FGF13: variants seen among roughly 807,000 people sequenced by gnomAD.
The protein encoded by FGF13 is fibroblast growth factor homologous factor 2.
In FGF13, 2 loss-of-function variants were observed where a neutral mutation model predicts 19.5. That is an observed-to-expected ratio of 0.10 (90% CI 0.04 to 0.32). FGF13 has a LOEUF of 0.32. FGF13 is among the 10% of genes least tolerant of loss of function. FGF13 has a pLI of 1.00. For missense variants in FGF13, 113 were observed against 192.7 expected (o/e 0.59, Z 2.45); for synonymous variants, 72 against 76.9 (o/e 0.94, Z 0.33).
At chrX:138,673,264 G>A (rs2089632395) in intron 3 of FGF13, among the ~76,000 whole-genome samples, 1 of 111,342 alleles carries the variant, frequency 9.0e-6, no homozygotes, top group Admixed American at 9.6e-5. Flanking sequence ...TTGTGTTTAG[G>A]GGATACCAGC....
In FGF13 at chrX:139,196,464, T is replaced by C. The variant is rs1294332289; in HGVS notation, c.-113+6952A>G. 3.6e-5 allele frequency among the ~76,000 whole-genome samples: 4 copies of C among 111,691 alleles called. No individual in the cohort carries two copies. In the East Asian group the frequency reaches 1.1e-3, roughly 32 times the overall value. ...GGAAAGGGTACCCCGGCACAGCACCTGATAGAGAAAAGTCACTCAAAAAAT... is the reference window on the plus strand; with the variant it reads ...GGAAAGGGTACCCCGGCACAGCACCCGATAGAGAAAAGTCACTCAAAAAAT... On this transcript the variant is annotated intron_variant, in intron 1 of 2. Transcript: ENST00000421460.
chrX:139,170,876 C>T (rs1268584038), intron 1 of FGF13, among the ~76,000 whole-genome samples: 1 of 111,732 alleles, frequency 8.9e-6, no homozygotes, highest in Non-Finnish European at 1.9e-5. Context: ...ACCTGACCTC[C>T]CGTCATTTCC....
intron 1 of FGF13, among the ~76,000 whole-genome samples, chrX:138,878,107 A>C (rs1197951220): frequency 9.0e-6 from 1 of 111,294 alleles, no homozygotes; most frequent in Non-Finnish European, 1.9e-5. Flanking sequence ...CCTTTAAAAA[A>C]GTATACACCC....
chrX:138,818,418 T>A (rs2090975752), intron 3 of FGF13, among the ~76,000 whole-genome samples: 1 of 108,510 alleles, frequency 9.2e-6, no homozygotes, highest in Non-Finnish European at 1.9e-5. Context: ...TCTCCTTCAA[T>A]TGGTCCTGGC....
intron 3 of FGF13, among the ~76,000 whole-genome samples, chrX:138,674,990 C>T (rs1218535505): frequency 2.7e-5 from 3 of 111,585 alleles, no homozygotes; most frequent in Admixed American, 9.5e-5. Flanking sequence ...AGAGTTTTAT[C>T]TCCCCTTTAC....
intron 3 of FGF13, among the ~76,000 whole-genome samples, chrX:138,781,067 C>A (rs7881985): frequency 0.029 from 3,196 of 111,116 alleles, 128 homozygotes; most frequent in African/African-American, 0.1. Context: ...TGAATGACTA[C>A]TGGGTACATA....
At chrX:138,962,730 C>G (rs1425827760) in intron 1 of FGF13, among the ~76,000 whole-genome samples, 1 of 111,672 alleles carries the variant, frequency 9.0e-6, no homozygotes, top group Admixed American at 9.5e-5. Context: ...TCATTCTGAG[C>G]AAACTATCTC....
chrX:138,862,620 G>T (rs2091294795), intron 2 of FGF13, among the ~76,000 whole-genome samples: 1 of 111,794 alleles, frequency 8.9e-6, no homozygotes, highest in Admixed American at 9.5e-5. Flanking sequence ...GGATGTGTTA[G>T]CTCAAGACCT....
At chrX:138,768,260 G>A (rs1378640502) in intron 3 of FGF13, among the ~76,000 whole-genome samples, 1 of 112,244 alleles carries the variant, frequency 8.9e-6, no homozygotes, top group Non-Finnish European at 1.9e-5. Flanking sequence ...TCTATGAAAT[G>A]TGGAAAGGCT....
At chrX:138,774,428 T>C (rs1466566911) in intron 3 of FGF13, among the ~76,000 whole-genome samples, 1 of 111,622 alleles carries the variant, frequency 9.0e-6, no homozygotes, top group Non-Finnish European at 1.9e-5. Context: ...GTGATCTCAC[T>C]TGATATATGA....
chrX:139,203,983 C>A, upstream of FGF13: 1 of 1,090,716 alleles, frequency 9.2e-7, no homozygotes, highest in Non-Finnish European at 1.3e-6. Flanking sequence ...AAGGAGCCGC[C>A]GGAGGGCGGC....
At chrX:138,731,447 T>TAA (rs531760267) in intron 1 of FGF13, among the ~76,000 whole-genome samples, 1 of 91,463 alleles carries the variant, frequency 1.1e-5, no homozygotes. Context: ...AAGTCATGAG[T>TAA]AAAAAAAAAA....
chrX:139,058,443 C>T (rs2092326348), intron 1 of FGF13, among the ~76,000 whole-genome samples: 1 of 111,896 alleles, frequency 8.9e-6, no homozygotes, highest in African/African-American at 3.2e-5. Flanking sequence ...CTTCCTTCTG[C>T]CCATCCATCA....
At chrX:138,633,553 G>T (rs956376318) in intron 4 of FGF13, among the ~76,000 whole-genome samples, 1 of 112,115 alleles carries the variant, frequency 8.9e-6, no homozygotes, top group Non-Finnish European at 1.9e-5. Context: ...TTAAAACACT[G>T]ATTTCTATCA....
intron 1 of FGF13, among the ~76,000 whole-genome samples, chrX:138,980,236 C>T (rs899950328): frequency 3.6e-5 from 4 of 111,227 alleles, no homozygotes; most frequent in African/African-American, 1.3e-4. Flanking sequence ...CTCTATCAGT[C>T]TGGGCTTCTC....
At chrX:139,080,411 T>C (rs1177550291) in intron 1 of FGF13, among the ~76,000 whole-genome samples, 2 of 112,138 alleles carry the variant, frequency 1.8e-5, no homozygotes, top group African/African-American at 3.2e-5. Context: ...TGTCATGTTA[T>C]AAAATAAGAG....
chrX:138,924,431 A>G (rs970807098), intron 1 of FGF13, among the ~76,000 whole-genome samples: 3 of 112,122 alleles, frequency 2.7e-5, no homozygotes, highest in Non-Finnish European at 5.6e-5. Context: ...GACTTGAGGA[A>G]TGATGAGCTG....
At chrX:138,925,700 C>G (rs191711767) in intron 1 of FGF13, among the ~76,000 whole-genome samples, 1 of 111,373 alleles carries the variant, frequency 9.0e-6, no homozygotes, top group African/African-American at 3.3e-5. Context: ...TCCACATCCC[C>G]CACTGCTCCA....
At chrX:139,020,605 T>C (rs1287662131) in intron 1 of FGF13, among the ~76,000 whole-genome samples, 1 of 111,593 alleles carries the variant, frequency 9.0e-6, no homozygotes, top group Non-Finnish European at 1.9e-5. Flanking sequence ...AAGAGATCAA[T>C]GATCAGCTTA....
Sources: gnomAD v4.1 joint callset for allele counts (sites outside exome capture counted in the v4.1 genomes callset) on GRCh38, gnomAD v4.1.1 for gene constraint, MANE v1.5 for transcripts, NCBI Gene and HGNC (gene_info 2026-07-23, HGNC 2026-07-21) for gene names.